Variants in COL25A1 observed in about 807,000 individuals in gnomAD.
COL25A1 encodes the protein collagen type XXV alpha 1 chain.
COL25A1 carries 103 observed loss-of-function variants against 128.4 expected under a neutral mutation model. The ratio of observed to expected loss-of-function variants is 0.80; its 90% CI spans 0.68 to 0.94. The LOEUF (loss-of-function observed/expected upper bound fraction) is 0.94, where lower values mean the gene tolerates loss of function less well. COL25A1 is among the 40% of genes least tolerant of loss of function. The pLI is 0.00. For synonymous variants in COL25A1, 279 were observed against 277.2 expected, an observed-to-expected ratio of 1.01 and a Z score of -0.06; for missense variants, 745 against 840.0, an observed-to-expected ratio of 0.89 and a Z score of 1.40.
At chr4:109,172,253 TCTTTGCC>T (rs1275431956) in intron 3 of COL25A1, among the ~76,000 whole-genome samples, 1 of 152,096 alleles carries the variant, frequency 6.6e-6, no homozygotes, top group African/African-American at 2.4e-5. Flanking sequence ...GCAGTTACAG[TCTTTGCC>T]CTTACAAAGT....
intron 3 of COL25A1, among the ~76,000 whole-genome samples, chr4:109,199,601 AAAC>A (rs1253623505): frequency 6.6e-6 from 1 of 152,232 alleles, no homozygotes; most frequent in Non-Finnish European, 1.5e-5. Flanking sequence ...AAGATTTTTA[AAAC>A]AATACATGAA....
chr4:109,204,548 A>G (rs1776832622), intron 3 of COL25A1, among the ~76,000 whole-genome samples: 1 of 152,190 alleles, frequency 6.6e-6, no homozygotes, highest in South Asian at 2.1e-4. Flanking sequence ...GTGTATTCAG[A>G]TAATAATTTA....
rs1730714303 is a variant in COL25A1, at chr4:108,810,559, T to C, written c.*3368A>G. 1 of 151,946 alleles carries C rather than the reference T, an allele frequency of 6.6e-6. No homozygotes were observed. Among genetic ancestry groups the C allele is most frequent in the African/African-American group, 2.4e-5 (1 of 41,440 alleles). The allele number at this position is 151,946 out of a possible 1,614,324, so 9.4% of individuals were successfully genotyped here. On this transcript the variant is annotated 3_prime_UTR_variant, in exon 38 of 38. Transcript: ENST00000399132. ...GAAAAAATTAGGTATATTTGTGCAC[T>C]AGGTACTCTATACGGTGTGTGCAGA...
intron 3 of COL25A1, among the ~76,000 whole-genome samples, chr4:109,078,788 C>T (rs916721029): frequency 2.6e-5 from 4 of 152,150 alleles, no homozygotes; most frequent in African/African-American, 7.2e-5. Flanking sequence ...CCTGCAAATC[C>T]GCAGCCTGGG....
At chr4:109,114,314 C>G (rs572481991) in intron 3 of COL25A1, among the ~76,000 whole-genome samples, 1 of 151,576 alleles carries the variant, frequency 6.6e-6, no homozygotes, top group East Asian at 1.9e-4. Flanking sequence ...CTGAGATCAA[C>G]AGGATTACAA....
intron 3 of COL25A1, among the ~76,000 whole-genome samples, chr4:109,285,151 T>C (rs1481920198): frequency 6.6e-6 from 1 of 152,158 alleles, no homozygotes; most frequent in Non-Finnish European, 1.5e-5. Context: ...ATTAAGGGAA[T>C]TTATTCTAAA....
At chr4:109,243,956 T>G (rs562860233) in intron 3 of COL25A1, among the ~76,000 whole-genome samples, 34 of 152,170 alleles carry the variant, frequency 2.2e-4, no homozygotes, top group African/African-American at 8.2e-4. Flanking sequence ...CTGAAGGCAG[T>G]GAAGTTAACC....
chr4:108,961,697 C>T (rs1750728849), intron 8 of COL25A1, among the ~76,000 whole-genome samples: 1 of 151,816 alleles, frequency 6.6e-6, no homozygotes, highest in African/African-American at 2.4e-5. Context: ...TTCTGTACTT[C>T]CTACCTCACC....
At chr4:109,151,561 C>T (rs1465876694) in intron 3 of COL25A1, among the ~76,000 whole-genome samples, 2 of 151,972 alleles carry the variant, frequency 1.3e-5, no homozygotes, top group African/African-American at 4.8e-5. Context: ...ATTTAAAGTC[C>T]AGTAGCAGCA....
chr4:108,860,111 G>A (rs570303257), intron 23 of COL25A1, among the ~76,000 whole-genome samples: 4 of 151,992 alleles, frequency 2.6e-5, no homozygotes, highest in African/African-American at 7.3e-5. Flanking sequence ...CTCATACATT[G>A]CTTCCTCATT....
At chr4:109,224,241 G>A (rs1054564437) in intron 3 of COL25A1, among the ~76,000 whole-genome samples, 26 of 152,124 alleles carry the variant, frequency 1.7e-4, no homozygotes, top group African/African-American at 6.3e-4. Context: ...TGGTATGGGG[G>A]TTTGATCAAC....
chr4:109,279,526 T>C (rs1488087805), intron 3 of COL25A1, among the ~76,000 whole-genome samples: 2 of 152,176 alleles, frequency 1.3e-5, no homozygotes, highest in Non-Finnish European at 1.5e-5. Context: ...TAGTGAGCCC[T>C]GATTGTGCCA....
chr4:109,178,340 A>C (rs1195645307), intron 3 of COL25A1, among the ~76,000 whole-genome samples: 5 of 152,200 alleles, frequency 3.3e-5, no homozygotes, highest in African/African-American at 1.2e-4. Context: ...TTTAACCTGA[A>C]CATTGGAGAG....
intron 11 of COL25A1, among the ~76,000 whole-genome samples, chr4:108,925,757 G>A (rs1745980141): frequency 6.6e-6 from 1 of 152,108 alleles, no homozygotes; most frequent in Non-Finnish European, 1.5e-5. Context: ...TTCTAACATT[G>A]CTGGCCTATT....
At chr4:109,199,689 C>T (rs958044089) in intron 3 of COL25A1, among the ~76,000 whole-genome samples, 2 of 152,142 alleles carry the variant, frequency 1.3e-5, no homozygotes, top group Non-Finnish European at 2.9e-5. Flanking sequence ...AGCTCTCCTT[C>T]CTAGCATGGG....
chr4:109,099,629 A>T (rs1009733459), intron 3 of COL25A1, among the ~76,000 whole-genome samples: 3 of 151,544 alleles, frequency 2.0e-5, no homozygotes, highest in African/African-American at 4.8e-5. Context: ...TATAAAAAAA[A>T]AAAGAAAAAT....
intron 3 of COL25A1, among the ~76,000 whole-genome samples, chr4:109,285,915 C>A (rs75830731): frequency 0.023 from 3,432 of 152,064 alleles, 136 homozygotes; most frequent in African/African-American, 0.077. Context: ...AAGCATTTAT[C>A]AGCAGCATAC....
chr4:109,162,560 A>G (rs1463826206), intron 3 of COL25A1, among the ~76,000 whole-genome samples: 1 of 152,172 alleles, frequency 6.6e-6, no homozygotes, highest in Non-Finnish European at 1.5e-5. Context: ...CCCTAACTAC[A>G]ATGCAAGTTC....
chr4:109,165,985 C>T (rs1030767861), intron 3 of COL25A1, among the ~76,000 whole-genome samples: 2 of 152,162 alleles, frequency 1.3e-5, no homozygotes, highest in Admixed American at 1.3e-4. Flanking sequence ...TAAGCTCTTG[C>T]TTTAAAAAAA....
Sources: allele counts gnomAD v4.1 joint callset (sites outside exome capture counted in the v4.1 genomes callset), GRCh38; gene constraint gnomAD v4.1.1; transcripts MANE v1.5; gene names NCBI Gene and HGNC (gene_info 2026-07-23, HGNC 2026-07-21).